MROH9: variants seen among roughly 807,000 people sequenced by gnomAD.
The protein encoded by MROH9 is maestro heat like repeat family member 9.
Under a neutral mutation model 98.2 loss-of-function variants are expected in MROH9, and 92 were observed. The ratio of observed to expected loss-of-function variants is 0.94; its 90% confidence interval spans 0.79 to 1.11. The LOEUF (loss-of-function observed/expected upper bound fraction) is 1.11. MROH9 is among the 50% of genes most tolerant of loss of function. The probability of loss-of-function intolerance (pLI) is 0.00; values close to 1 mark genes in which losing one functional copy is unlikely to be tolerated. For synonymous variants in MROH9, 397 were observed against 368.9 expected, an observed-to-expected ratio of 1.08 and a Z score of -0.87; for missense variants, 1,057 against 1,014.8, an observed-to-expected ratio of 1.04 and a Z score of -0.57.
chr1:171,041,517 T>A (rs751772314), intron 20 of MROH9, among the ~76,000 whole-genome samples: 1 of 151,180 alleles, frequency 6.6e-6, no homozygotes, highest in Non-Finnish European at 1.5e-5. Context: ...TTGTAAATAG[T>A]GCTGTGACAA....
At chr1:170,986,815 G>A in intron 10 of MROH9, 105 bp downstream of exon 10, 1 of 1,258,262 alleles carries the variant, frequency 7.9e-7, no homozygotes, top group Non-Finnish European at 1.1e-6. Context: ...TCTTGTCATT[G>A]TTCATTATAT....
intron 20 of MROH9, among the ~76,000 whole-genome samples, chr1:171,055,843 T>C (rs1247690275): frequency 6.6e-6 from 1 of 151,958 alleles, no homozygotes; most frequent in Non-Finnish European, 1.5e-5. Flanking sequence ...AGGCAGCTGG[T>C]GTGATCCATG....
intron 3 of MROH9, among the ~76,000 whole-genome samples, chr1:170,948,613 C>T (rs2101874913): frequency 6.6e-6 from 1 of 152,140 alleles, no homozygotes; most frequent in African/African-American, 2.4e-5. Context: ...TAGAATAAAA[C>T]TCAAATACTA....
intron 15 of MROH9, among the ~76,000 whole-genome samples, chr1:171,003,943 A>G (rs1275741866): frequency 6.6e-6 from 1 of 151,950 alleles, no homozygotes; most frequent in Non-Finnish European, 1.5e-5. Context: ...TGGGGGTGAG[A>G]GTCCCAAGTC....
At chr1:170,948,078 T>C (rs764504922) in intron 3 of MROH9, among the ~76,000 whole-genome samples, 4 of 152,026 alleles carry the variant, frequency 2.6e-5, no homozygotes, top group Admixed American at 2.6e-4. Flanking sequence ...AGAGCAGAGA[T>C]TGTGATTATT....
intron 9 of MROH9, 87 bp downstream of exon 9, chr1:170,983,621 G>T: frequency 2.5e-6 from 2 of 794,742 alleles, no homozygotes; most frequent in Non-Finnish European, 4.1e-6. Flanking sequence ...AGTTTATGTC[G>T]TTAGTATTTT....
chr1:170,957,436 C>A (rs1191156992), intron 3 of MROH9, among the ~76,000 whole-genome samples: 1 of 152,258 alleles, frequency 6.6e-6, no homozygotes, highest in Non-Finnish European at 1.5e-5. Context: ...CTGTCCTTTG[C>A]CCATTGTGAA....
chr1:170,989,802 G>C, intron 10 of MROH9, 53 bp from the exon 11 acceptor site: 2 of 1,524,898 alleles, frequency 1.3e-6, no homozygotes, highest in South Asian at 2.5e-5. Flanking sequence ...CCTTGGTTTA[G>C]AGGTGACCAT....
At chr1:171,031,099 T>C (rs1652893738) in intron 20 of MROH9, among the ~76,000 whole-genome samples, 1 of 152,216 alleles carries the variant, frequency 6.6e-6, no homozygotes, top group African/African-American at 2.4e-5. Context: ...GAGACTAGCA[T>C]TGCAACCCCT....
chr1:171,000,861 T>C (rs1651759478), intron 15 of MROH9, among the ~76,000 whole-genome samples: 1 of 152,098 alleles, frequency 6.6e-6, no homozygotes, highest in Admixed American at 6.5e-5. Context: ...TGTGAATCCA[T>C]CTGGTCCTGG....
At chr1:170,962,560 T>C (rs1331750444) in intron 6 of MROH9, among the ~76,000 whole-genome samples, 1 of 152,144 alleles carries the variant, frequency 6.6e-6, no homozygotes, top group Non-Finnish European at 1.5e-5. Flanking sequence ...AGAGGCCAAC[T>C]GTCCAGAAGT....
chr1:170,976,652 C>T (rs1274309731), intron 8 of MROH9, among the ~76,000 whole-genome samples: 2 of 152,008 alleles, frequency 1.3e-5, no homozygotes, highest in African/African-American at 4.8e-5. Flanking sequence ...GAGGCTGAGG[C>T]ATATAAAAAA....
intron 8 of MROH9, among the ~76,000 whole-genome samples, chr1:170,975,670 A>C (rs1210604749): frequency 6.6e-6 from 1 of 152,032 alleles, no homozygotes. Context: ...TATTTCACTT[A>C]AGAAAATGAC....
intron 3 of MROH9, among the ~76,000 whole-genome samples, chr1:170,953,195 T>C (rs963934303): frequency 6.6e-6 from 1 of 152,160 alleles, no homozygotes; most frequent in African/African-American, 2.4e-5. Flanking sequence ...TTTTTCTTCA[T>C]GCAGACTTCA....
At chr1:171,054,735 A>G (rs1046363889) in intron 20 of MROH9, among the ~76,000 whole-genome samples, 15 of 152,226 alleles carry the variant, frequency 9.9e-5, no homozygotes, top group Non-Finnish European at 1.5e-5. Flanking sequence ...ACAAATGGCC[A>G]ACAAACCTAT....
chr1:170,994,818 AATT>A (rs1388515538), intron 12 of MROH9, among the ~76,000 whole-genome samples: 3 of 151,976 alleles, frequency 2.0e-5, no homozygotes, highest in South Asian at 2.1e-4. Flanking sequence ...AAAATTTTTA[AATT>A]ATTTTTCCCG....
chr1:170,945,189 C>T (rs1407642480), intron 1 of MROH9, among the ~76,000 whole-genome samples: 2 of 151,786 alleles, frequency 1.3e-5, no homozygotes, highest in South Asian at 4.1e-4. Flanking sequence ...ATCTGACAGC[C>T]TCAAACAATT....
At chr1:170,952,476 C>A (rs1649590553) in intron 3 of MROH9, among the ~76,000 whole-genome samples, 1 of 151,946 alleles carries the variant, frequency 6.6e-6, no homozygotes, top group South Asian at 2.1e-4. Context: ...TGGAAACCAT[C>A]ATTCTCAGCA....
chr1:171,045,533 A>T (rs1453009015), intron 20 of MROH9, among the ~76,000 whole-genome samples: 1 of 152,032 alleles, frequency 6.6e-6, no homozygotes, highest in Admixed American at 6.6e-5. Context: ...ATTTCTTCCT[A>T]ATTTATTGAT....
Sources: allele counts gnomAD v4.1 joint callset (sites outside exome capture counted in the v4.1 genomes callset), GRCh38; gene constraint gnomAD v4.1.1; transcripts MANE v1.5; gene names NCBI Gene and HGNC (gene_info 2026-07-23, HGNC 2026-07-21).